Variants in DKK3 observed in about 807,000 individuals in gnomAD.
DKK3 encodes dickkopf-related protein 3.
Under a neutral mutation model 33.2 loss-of-function variants are expected in DKK3, and 22 were observed. That is an observed-to-expected ratio of 0.66 (90% CI 0.47 to 0.95). DKK3 has a LOEUF of 0.95. DKK3 is among the 40% of genes least tolerant of loss of function. The pLI, the probability that DKK3 is intolerant of heterozygous loss-of-function variation, is 0.00. For synonymous variants in DKK3, 194 were observed against 188.8 expected, an observed-to-expected ratio of 1.03 and a Z score of -0.23; for missense variants, 398 against 458.4, an observed-to-expected ratio of 0.87 and a Z score of 1.20.
intron 3 of DKK3, among the ~76,000 whole-genome samples, chr11:11,986,762 G>T (rs911616530): frequency 6.6e-5 from 10 of 152,114 alleles, no homozygotes; most frequent in Admixed American, 3.3e-4. Context: ...ATGACTTGCG[G>T]AATTTAACTT....
intron 1 of DKK3, 101 bp from the exon 2 acceptor site, chr11:12,002,538 A>G: frequency 7.7e-7 from 1 of 1,299,000 alleles, no homozygotes; most frequent in Non-Finnish European, 1.1e-6. Flanking sequence ...GCAATTACAA[A>G]GAATGATGAT....
rs190964608 is a variant in DKK3 at position 11,971,556 on chromosome 11, G to C, written c.436-3069C>G. 2.9e-3 allele frequency among the ~76,000 whole-genome samples: 438 copies of C among 152,254 alleles called. 11 individuals are homozygous for C. The highest frequency in any genetic ancestry group is 4.9e-4 in the Non-Finnish European group (33 of 68,010). On this transcript the variant is annotated intron_variant, in intron 3 of 6. Coordinates refer to ENST00000683431, the MANE Select transcript of DKK3 (RefSeq NM_001018057.2). The stretch of plus-strand genomic sequence containing the variant: ...ATCATTAGCAATGGTTTGAGAACTA[G>C]AGCAAAAAACATACATTCCATTAAT...
chr11:11,974,573 G>A (rs1246172879), intron 3 of DKK3, among the ~76,000 whole-genome samples: 1 of 152,080 alleles, frequency 6.6e-6, no homozygotes, highest in Non-Finnish European at 1.5e-5. Context: ...CCACAATAAT[G>A]GCATTAATCC....
At chr11:11,966,065 C>T (rs1423960716) in intron 5 of DKK3, 100 bp from the exon 6 acceptor site, 61 of 1,383,858 alleles carry the variant, frequency 4.4e-5, no homozygotes, top group Non-Finnish European at 5.9e-5. Flanking sequence ...ACCTCCCACC[C>T]TCAACCCCAA....
chr11:11,990,863 C>G (rs1313311295), intron 3 of DKK3, among the ~76,000 whole-genome samples: 1 of 152,208 alleles, frequency 6.6e-6, no homozygotes, highest in Non-Finnish European at 1.5e-5. Flanking sequence ...CAACTGCCAC[C>G]TCTTCCAGGG....
At chr11:12,000,506 C>CTT (rs1430643832) in intron 2 of DKK3, among the ~76,000 whole-genome samples, 2 of 137,112 alleles carry the variant, frequency 1.5e-5, no homozygotes, top group African/African-American at 2.7e-5. Context: ...CGTGCCTGGC[C>CTT]TTTTTTTTTT....
rs778069727 is a variant in DKK3 at position 11,964,444 on chromosome 11, ACCCACAG to A, written c.*13_*19del. 1.9e-6 allele frequency: 3 copies of A among 1,605,602 alleles called. No individual in the cohort carries two copies. The highest frequency in any genetic ancestry group is 4.5e-5 in the East Asian group (2 of 44,828). ...AATTAGCTATTTCTATTGCACATCT[ACCCACAG>A]CCTGGTCCAGATCTAAATCTCTTCC... On this transcript the variant is annotated 3_prime_UTR_variant, in exon 7 of 7. Transcript: ENST00000683431.
chr11:12,009,039 C>G, upstream of DKK3: 3 of 988,870 alleles, frequency 3.0e-6, no homozygotes, highest in Non-Finnish European at 3.6e-6. Flanking sequence ...CAGCCCCTAC[C>G]TGGGGTGGAC....
At chr11:11,997,759 A>C (rs1848329597) in intron 3 of DKK3, among the ~76,000 whole-genome samples, 1 of 152,154 alleles carries the variant, frequency 6.6e-6, no homozygotes, top group Admixed American at 6.5e-5. Flanking sequence ...CCGACATTTG[A>C]GCACTGTGCC....
At chr11:11,988,095 G>A (rs898171628) in intron 3 of DKK3, among the ~76,000 whole-genome samples, 1 of 152,214 alleles carries the variant, frequency 6.6e-6, no homozygotes, top group African/African-American at 2.4e-5. Flanking sequence ...TTCCCCAGAA[G>A]CAGGGATTTC....
At chr11:11,998,632 G>A (rs1848351038) in intron 3 of DKK3, 64 bp downstream of exon 3, 5 of 1,467,238 alleles carry the variant, frequency 3.4e-6, no homozygotes, top group Admixed American at 1.7e-5. Context: ...GTCACCGTTG[G>A]CAAACTGAAT....
chr11:12,004,252 A>C (rs1018758338), intron 1 of DKK3, among the ~76,000 whole-genome samples: 2 of 152,192 alleles, frequency 1.3e-5, no homozygotes, highest in Non-Finnish European at 2.9e-5. Context: ...TTCTCAGCTT[A>C]TTCTGAGGAT....
chr11:11,983,075 G>A (rs1847990331), intron 3 of DKK3, among the ~76,000 whole-genome samples: 2 of 152,160 alleles, frequency 1.3e-5, no homozygotes, highest in African/African-American at 4.8e-5. Context: ...TGTCCTCACT[G>A]CCCAGCCTCA....
Position 11,964,650 on chromosome 11 carries a change from C to G in DKK3, c.867G>C (p.Val289=). ...TCTCCCCATCTTGGTCACGGCTCCC[C>G]ACGAAGGTCGGCTTGCACACATACA... ...SLVYVCKPTF[V]GSRDQDGEIL... Residue 289 remains valine (V), a synonymous_variant, in exon 7 of 7, where the codon GTG becomes GTC. Coordinates refer to ENST00000683431, the MANE Select transcript of DKK3 (RefSeq NM_001018057.2). 6.2e-7 allele frequency: 1 copy of G among 1,614,086 alleles called. No homozygotes were observed. The highest frequency in any genetic ancestry group is 1.1e-5 in the South Asian group (1 of 91,084).
chr11:11,986,216 C>T (rs1180121114), intron 3 of DKK3, among the ~76,000 whole-genome samples: 1 of 152,134 alleles, frequency 6.6e-6, no homozygotes, highest in African/African-American at 2.4e-5. Context: ...TCTGGGAGGC[C>T]CTGAATTATG....
At chr11:11,974,750 GA>G (rs1311205976) in intron 3 of DKK3, among the ~76,000 whole-genome samples, 1 of 152,126 alleles carries the variant, frequency 6.6e-6, no homozygotes, top group Non-Finnish European at 1.5e-5. Flanking sequence ...AAGAATAACA[GA>G]AAGTTAGCTG....
At chr11:11,965,094 A>G (rs561145517) in intron 6 of DKK3, among the ~76,000 whole-genome samples, 2 of 152,326 alleles carry the variant, frequency 1.3e-5, no homozygotes, top group South Asian at 2.1e-4. Flanking sequence ...CTGTGGGAAT[A>G]GGGAGGAAGA....
At chr11:11,965,109 C>A (rs575410883) in intron 6 of DKK3, among the ~76,000 whole-genome samples, 3 of 152,172 alleles carry the variant, frequency 2.0e-5, no homozygotes, top group African/African-American at 7.2e-5. Context: ...GGAAGAATTC[C>A]TTTTTTTAAA....
chr11:11,995,183 G>T (rs372849799), intron 3 of DKK3, among the ~76,000 whole-genome samples: 1 of 152,170 alleles, frequency 6.6e-6, no homozygotes, highest in Non-Finnish European at 1.5e-5. Flanking sequence ...GGGCTCAAGC[G>T]ATCCTCCTGC....
Sources: allele counts gnomAD v4.1 joint callset (sites outside exome capture counted in the v4.1 genomes callset), GRCh38; gene constraint gnomAD v4.1.1; transcripts MANE v1.5; gene names NCBI Gene and HGNC (gene_info 2026-07-23, HGNC 2026-07-21).